Variants in NCOA7 observed in about 807,000 individuals in gnomAD.
NCOA7 encodes the protein 140 kDa estrogen receptor-associated protein.
NCOA7 carries 45 observed loss-of-function variants against 104.3 expected under a neutral mutation model. The ratio of observed to expected loss-of-function variants is 0.43; its 90% CI spans 0.34 to 0.55. The LOEUF is 0.55. Ranked by LOEUF, NCOA7 falls within the 20% of genes least tolerant of loss-of-function variation. The pLI is 0.02. For missense variants in NCOA7, 1,041 were observed against 1,119.7 expected (o/e 0.93, Z 1.00); for synonymous variants, 398 against 402.3 (o/e 0.99, Z 0.13).
rs1788285513 is a variant in NCOA7, at chr6:125,928,920, CA to C, written c.*150del. ...ATCATCTCAGAGCATGATCACATTG[CA>C]GAAAGATTCTGGAAGGTCCATGTAG... On this transcript the variant is annotated 3_prime_UTR_variant, in exon 16 of 16. Coordinates refer to ENST00000392477, the MANE Select transcript of NCOA7 (RefSeq NM_181782.5). The C allele has an allele frequency of 1.2e-6, 1 of 835,284 alleles. No homozygotes were observed. The highest frequency in any genetic ancestry group is 1.8e-6 in the Non-Finnish European group (1 of 561,796). 51.7% of individuals were successfully genotyped at this position (835,284 alleles called of 1,614,324 possible).
At chr6:125,876,090 T>C (rs1448745671) in intron 4 of NCOA7, among the ~76,000 whole-genome samples, 2 of 152,234 alleles carry the variant, frequency 1.3e-5, no homozygotes, top group Non-Finnish European at 2.9e-5. Context: ...ACTATTGCCA[T>C]TGCCTGGTTG....
rs560540192 is a variant in NCOA7 at position 125,837,912 on chromosome 6, G to A, written c.51-17108G>A. On this transcript the variant is annotated intron_variant, in intron 2 of 15. Transcript: ENST00000392477. ...GCATGCTGCTCTTAGTTGTATGACT[G>A]ATGCAGAACTACTTCATGGTCGGTG... 2.6e-5 allele frequency among the ~76,000 whole-genome samples: 4 copies of A among 152,304 alleles called. No individual in the cohort carries two copies. In the East Asian group the frequency reaches 7.7e-4, roughly 29 times the overall value.
intron 2 of NCOA7, among the ~76,000 whole-genome samples, chr6:125,828,102 G>A (rs1778821178): frequency 6.6e-6 from 1 of 152,224 alleles, no homozygotes. Flanking sequence ...TCAGCCATGG[G>A]AAAGGATGAC....
chr6:125,899,906 CA>C (rs1785348349), intron 10 of NCOA7: 2 of 513,062 alleles, frequency 3.9e-6, no homozygotes, highest in Admixed American at 3.9e-5. Flanking sequence ...GAGCTCTTCA[CA>C]GTGCTTTCTG....
intron 2 of NCOA7, among the ~76,000 whole-genome samples, chr6:125,826,469 T>G (rs1422116711): frequency 6.6e-6 from 1 of 152,112 alleles, no homozygotes; most frequent in Non-Finnish European, 1.5e-5. Flanking sequence ...AGGAAAACCT[T>G]TCTGTGATTT....
At chr6:125,854,699 T>C (rs1173487502) in intron 2 of NCOA7, among the ~76,000 whole-genome samples, 1 of 152,204 alleles carries the variant, frequency 6.6e-6, no homozygotes, top group East Asian at 1.9e-4. Context: ...CATAACCATA[T>C]ATTGTGATTT....
intron 10 of NCOA7, among the ~76,000 whole-genome samples, chr6:125,896,608 A>T (rs1172940127): frequency 6.6e-6 from 1 of 152,132 alleles, no homozygotes; most frequent in Non-Finnish European, 1.5e-5. Context: ...CCTGGGCAAC[A>T]TGGTGAAATC....
intron 8 of NCOA7, among the ~76,000 whole-genome samples, chr6:125,886,256 G>T (rs1784251706): frequency 6.6e-6 from 1 of 151,750 alleles, no homozygotes; most frequent in Admixed American, 6.6e-5. Flanking sequence ...TTAGAATCTG[G>T]TCCACTCAGC....
chr6:125,890,673 G>T lies in NCOA7; in HGVS notation c.1959G>T (p.Lys653Asn). 1.2e-6 allele frequency: 2 copies of T among 1,612,990 alleles called. No individual in the cohort carries two copies. The highest frequency in any genetic ancestry group is 1.7e-6 in the Non-Finnish European group (2 of 1,179,586). The change falls in exon 10 of 16, where the codon AAG becomes AAT. Residue 653 changes from lysine to asparagine, a missense_variant. Physicochemically the swap from Lys to Asn is moderately conservative, Grantham distance 94. Around this residue, in one of 2 missense-constraint regions of NCOA7, gnomAD observed 914 missense variants for 942.7 expected, o/e 0.97. Coordinates refer to ENST00000392477, the MANE Select transcript of NCOA7 (RefSeq NM_181782.5). ...TTCCTTCAAAAGAAGAAAAAAGCAAGACCCCACCCATGTTCCTGTGCATCA... is the reference window on the plus strand; with the variant it reads ...TTCCTTCAAAAGAAGAAAAAAGCAATACCCCACCCATGTTCCTGTGCATCA... ...DILPSKEEKS[K>N]TPPMFLCIKV...
At chr6:125,911,400 T>C (rs1004415756) in intron 10 of NCOA7, among the ~76,000 whole-genome samples, 4 of 152,190 alleles carry the variant, frequency 2.6e-5, no homozygotes, top group African/African-American at 9.6e-5. Context: ...TCATTATTAC[T>C]GTCATTATTA....
At chr6:125,861,102 A>G (rs1294650378) in intron 3 of NCOA7, among the ~76,000 whole-genome samples, 1 of 152,224 alleles carries the variant, frequency 6.6e-6, no homozygotes, top group East Asian at 1.9e-4. Context: ...TAATGTCTAT[A>G]TTAATCATTT....
chr6:125,790,083 C>T (rs1015731578), upstream of NCOA7, among the ~76,000 whole-genome samples: 1 of 152,204 alleles, frequency 6.6e-6, no homozygotes, highest in Non-Finnish European at 1.5e-5. Context: ...GCTGGAGGGC[C>T]CAACTGCTAT....
chr6:125,915,487 A>T lies in NCOA7; in HGVS notation c.2244+7A>T, dbSNP rs1786987213. The T allele has an allele frequency of 1.9e-6, 3 of 1,613,526 alleles. No individual in the cohort carries two copies. In the Admixed American group the frequency reaches 5.0e-5, roughly 27 times the overall value. ...AACAACCAAGAGCTGGGAGGTGAGC[A>T]CTTGGGCAGGGTTAGACCGTCGTAG... On this transcript the variant is annotated splice_region_variant and intron_variant, in intron 11 of 15. Transcript: ENST00000392477.
rs537840760 is a variant in NCOA7, at chr6:125,917,036, A to G, written c.2244+1556A>G. Among the ~76,000 whole-genome samples, 42 of 152,268 alleles carry G rather than the reference A, an allele frequency of 2.8e-4. No homozygotes were observed. In the South Asian group the frequency reaches 5.6e-3, roughly 20 times the overall value. Reference sequence around the variant, plus strand: ...TAACTTGTCATTTAAATATACAAGCAAGCTTGGATACTCTGTGCTTAAAAG... The same window carrying G: ...TAACTTGTCATTTAAATATACAAGCGAGCTTGGATACTCTGTGCTTAAAAG... On this transcript the variant is annotated intron_variant, in intron 11 of 15. Coordinates refer to ENST00000392477, the MANE Select transcript of NCOA7 (RefSeq NM_181782.5).
chr6:125,915,298 A>G (rs1562179761), intron 10 of NCOA7, 35 bp from the exon 11 acceptor site: 5 of 1,610,168 alleles, frequency 3.1e-6, no homozygotes, highest in East Asian at 2.2e-5. Flanking sequence ...GAAAGTGGAC[A>G]TGGTGTTAAC....
intron 8 of NCOA7, among the ~76,000 whole-genome samples, chr6:125,887,401 T>C (rs1030653076): frequency 1.5e-4 from 23 of 152,206 alleles, no homozygotes; most frequent in African/African-American, 5.5e-4. Context: ...ATGCTGATGT[T>C]AGGCAGAACA....
chr6:125,841,041 T>C (rs1391169853), intron 2 of NCOA7, among the ~76,000 whole-genome samples: 1 of 151,444 alleles, frequency 6.6e-6, no homozygotes, highest in African/African-American at 2.4e-5. Flanking sequence ...TACAGGCACC[T>C]GCCACTGTGC....
At chr6:125,806,255 C>T (rs1009062789) in intron 1 of NCOA7, among the ~76,000 whole-genome samples, 1 of 152,096 alleles carries the variant, frequency 6.6e-6, no homozygotes, top group Non-Finnish European at 1.5e-5. Flanking sequence ...GCAGGAGAAT[C>T]ACTTGAACCC....
rs1052373207 is a variant in NCOA7 at position 125,785,076 on chromosome 6, G to A, written c.-141-1061G>A. ...AACCTGGCTGGATGCGGTGGCTCAC[G>A]CCTGTAATCCCAGCACTTTGGGAGG... On this transcript the variant is annotated intron_variant, in intron 1 of 16. Transcript: ENST00000368357. Among the ~76,000 whole-genome samples, 5 of 152,148 alleles carry A rather than the reference G, an allele frequency of 3.3e-5. No homozygotes were observed. In the South Asian group the frequency reaches 8.3e-4, roughly 25 times the overall value.
Sources: allele counts gnomAD v4.1 joint callset (sites outside exome capture counted in the v4.1 genomes callset), GRCh38; gene constraint gnomAD v4.1.1; regional missense constraint gnomAD v4.1.1; transcripts MANE v1.5; gene names NCBI Gene and HGNC (gene_info 2026-07-23, HGNC 2026-07-21).